Variants in PTN observed in about 807,000 individuals in gnomAD.
The protein encoded by PTN is pleiotrophin.
A neutral mutation model predicts 24.1 loss-of-function variants in PTN; 18 were observed. The observed-to-expected ratio is 0.75, with a 90% confidence interval of 0.52 to 1.11. The LOEUF is 1.11. Among genes scored for constraint, PTN ranks in the 50% least tolerant of loss-of-function variants. PTN has a pLI of 0.00. For missense variants in PTN, 163 were observed against 198.8 expected (o/e 0.82, Z 1.08); for synonymous variants, 78 against 68.6 (o/e 1.14, Z -0.67).
chr7:137,236,767 T>G (rs1808529144), intron 4 of PTN, among the ~76,000 whole-genome samples: 1 of 152,152 alleles, frequency 6.6e-6, no homozygotes, highest in African/African-American at 2.4e-5. Flanking sequence ...TTTGCCTTAT[T>G]ATAAACTATT....
intron 1 of PTN, among the ~76,000 whole-genome samples, chr7:137,277,581 A>AT (rs1563209401): frequency 2.0e-5 from 3 of 152,110 alleles, no homozygotes; most frequent in East Asian, 3.9e-4. Flanking sequence ...AGAAAAAAAA[A>AT]TTTTTTGAGA....
intron 1 of PTN, among the ~76,000 whole-genome samples, chr7:137,310,392 T>G (rs1392257127): frequency 6.2e-4 from 2 of 3,248 alleles, no homozygotes; most frequent in South Asian, 0.017. Flanking sequence ...GTTACCATGT[T>G]TTTTTTTTTT....
chr7:137,325,539 C>A (rs565199204), intron 1 of PTN: 1 of 152,618 alleles, frequency 6.6e-6, no homozygotes, highest in East Asian at 1.9e-4. Flanking sequence ...AGGGCAGGGG[C>A]CCTTTCAACA....
intron 1 of PTN, 33 bp downstream of exon 1, chr7:137,343,405 GC>G (rs1473205857): frequency 4.1e-6 from 2 of 491,144 alleles, no homozygotes. Flanking sequence ...CGATCGAAGA[GC>G]CCTCCGAGAA....
intron 4 of PTN, among the ~76,000 whole-genome samples, chr7:137,249,991 T>C (rs972053874): frequency 3.3e-5 from 5 of 152,160 alleles, no homozygotes; most frequent in African/African-American, 1.2e-4. Flanking sequence ...CCAATCTCCA[T>C]CACCTTCTGC....
rs182873597 is a variant in PTN, at chr7:137,343,544, G to A, written c.-107C>T. On this transcript the variant is annotated 5_prime_UTR_variant, in exon 1 of 5. Coordinates refer to ENST00000348225, the MANE Select transcript of PTN (RefSeq NM_002825.7). ...CCGGCTCGCTGCAGCTCCTGCTTGG[G>A]CCGCTGCTGCTCTCCCCGCCTTCTG... The A allele has an allele frequency of 8.3e-5, 43 of 518,978 alleles. No homozygotes were observed. The Admixed American group carries it at 8.3e-4, about 10-fold the overall frequency. The allele number at this position is 518,978 out of a possible 1,614,324, so 32.1% of individuals were successfully genotyped here. A position where few individuals can be genotyped will look rare whatever the true frequency, so the allele number is the denominator to read the frequency against.
At chr7:137,311,239 A>G (rs1585039718) in intron 1 of PTN, among the ~76,000 whole-genome samples, 1 of 151,548 alleles carries the variant, frequency 6.6e-6, no homozygotes, top group Non-Finnish European at 1.5e-5. Flanking sequence ...TTCAAAAAAA[A>G]AAAAAAAAAA....
intron 1 of PTN, among the ~76,000 whole-genome samples, chr7:137,270,159 G>A (rs903579337): frequency 1.3e-5 from 2 of 152,146 alleles, no homozygotes; most frequent in African/African-American, 4.8e-5. Context: ...CAGATAAATA[G>A]CCAATTATAA....
intron 1 of PTN, among the ~76,000 whole-genome samples, chr7:137,274,475 C>A (rs1368311851): frequency 6.6e-6 from 1 of 152,054 alleles, no homozygotes; most frequent in Non-Finnish European, 1.5e-5. Context: ...AACCCGTCAC[C>A]TACATTAGGT....
chr7:137,253,283 G>A (rs1268445192), intron 3 of PTN, among the ~76,000 whole-genome samples, 181 bp downstream of exon 3: 3 of 152,128 alleles, frequency 2.0e-5, no homozygotes, highest in African/African-American at 7.2e-5. Flanking sequence ...ACCCTAAAAT[G>A]CACAAGACAG....
Position 137,254,916 on chromosome 7 carries a change from A to G in PTN, c.58T>C (p.Phe20Leu). 1 of 1,582,982 alleles carries G rather than the reference A, an allele frequency of 6.3e-7. No homozygotes were observed. The highest frequency in any genetic ancestry group is 8.6e-7 in the Non-Finnish European group (1 of 1,156,984). Residue 20 changes from phenylalanine (F) to leucine (L), a missense_variant, in exon 2 of 5, where the codon TTC (phenylalanine) becomes CTC (leucine). By Grantham distance (22) the Phe-to-Leu change is conservative (BLOSUM62 0). Coordinates refer to ENST00000348225, the MANE Select transcript of PTN (RefSeq NM_002825.7). ...TCCACAGCTGCCAGTATGAAAATGAATGCCAAGAAGGCAGCTGCAAATTTT... is the reference window on the plus strand; with the variant it reads ...TCCACAGCTGCCAGTATGAAAATGAGTGCCAAGAAGGCAGCTGCAAATTTT... ...RRKFAAAFLA[F>L]IFILAAVDTA...
chr7:137,334,818 A>G (rs1240840021), intron 1 of PTN, among the ~76,000 whole-genome samples: 3 of 152,052 alleles, frequency 2.0e-5, no homozygotes, highest in Non-Finnish European at 2.9e-5. Flanking sequence ...GATAGACTGG[A>G]TTAAGAAAAT....
Position 137,251,343 on chromosome 7 carries a change from G to A in PTN, c.338C>T (p.Thr113Ile), listed in dbSNP as rs754893342. ...ACTTCCAGTTCTGGTCTTCAGGGCT[G>A]TGTTCAGGTCACATTCTCCCCAGGC... ...FQAWGECDLNTALKTRTGSLK... is the reference protein window; with the variant it reads ...FQAWGECDLNIALKTRTGSLK... Residue 113 changes from threonine (T) to isoleucine (I), a missense_variant, in exon 4 of 5, where the codon ACA (threonine) becomes ATA (isoleucine). Transcript: ENST00000348225. 3 of 1,614,118 alleles carry A rather than the reference G, an allele frequency of 1.9e-6. No homozygotes were observed. Among genetic ancestry groups the A allele is most frequent in the South Asian group, 2.2e-5 (2 of 91,086 alleles).
chr7:137,293,041 T>C (rs1470569276), intron 1 of PTN, among the ~76,000 whole-genome samples: 1 of 152,210 alleles, frequency 6.6e-6, no homozygotes, highest in Admixed American at 6.5e-5. Context: ...TGCATATTCA[T>C]TCATTTTTAC....
chr7:137,249,282 T>C (rs1046133873), intron 4 of PTN, among the ~76,000 whole-genome samples: 5 of 151,446 alleles, frequency 3.3e-5, no homozygotes, highest in Non-Finnish European at 7.4e-5. Context: ...CGTGTGTGTG[T>C]GTGTGTGTGT....
intron 2 of PTN, among the ~76,000 whole-genome samples, chr7:137,254,647 C>T (rs375680189): frequency 2.6e-5 from 4 of 151,800 alleles, no homozygotes; most frequent in Admixed American, 1.3e-4. Context: ...TGATCATCAT[C>T]GTCATGCAAT....
intron 1 of PTN, among the ~76,000 whole-genome samples, chr7:137,307,318 C>G (rs1238534769): frequency 2.0e-5 from 3 of 152,030 alleles, no homozygotes; most frequent in Admixed American, 6.6e-5. Context: ...AGAAAGGTAC[C>G]TATTCATATT....
chr7:137,305,018 G>A (rs1180969682), intron 1 of PTN, among the ~76,000 whole-genome samples: 1 of 151,990 alleles, frequency 6.6e-6, no homozygotes, highest in Non-Finnish European at 1.5e-5. Context: ...GCAATTCGAG[G>A]TGCTCAGAAC....
chr7:137,343,555 T>C lies in PTN; in HGVS notation c.-118A>G, dbSNP rs1298128427. ...CAGCTCCTGCTTGGGCCGCTGCTGC[T>C]CTCCCCGCCTTCTGGACGGATGACT... On this transcript the variant is annotated 5_prime_UTR_variant, in exon 1 of 5. Transcript: ENST00000348225. 1.9e-6 allele frequency: 1 copy of C among 518,976 alleles called. No homozygotes were observed. Among genetic ancestry groups the C allele is most frequent in the East Asian group, 5.5e-5 (1 of 18,330 alleles). The allele number at this position is 518,976 out of a possible 1,614,324, so 32.1% of individuals were successfully genotyped here.
Sources: gnomAD v4.1 joint callset for allele counts (sites outside exome capture counted in the v4.1 genomes callset) on GRCh38, gnomAD v4.1.1 for gene constraint, MANE v1.5 for transcripts, NCBI Gene and HGNC (gene_info 2026-07-23, HGNC 2026-07-21) for gene names.